MYADML2: variants seen among roughly 807,000 people sequenced by gnomAD.
MYADML2 encodes myeloid associated differentiation marker like 2.
Under a neutral mutation model 16.0 loss-of-function variants are expected in MYADML2, and 17 were observed. The observed-to-expected ratio is 1.06, with a 90% CI of 0.73 to 1.60. The LOEUF (loss-of-function observed/expected upper bound fraction) is 1.60, where lower values mean the gene tolerates loss of function less well. MYADML2 is among the 40% of genes most tolerant of loss of function. The pLI, the probability that MYADML2 is intolerant of heterozygous loss-of-function variation, is 0.00. For synonymous variants in MYADML2, 210 were observed against 208.1 expected (o/e 1.01, Z -0.08); for missense variants, 422 against 437.7 (o/e 0.96, Z 0.32).
Position 81,947,224 on chromosome 17 carries a change from G to T in MYADML2, c.-346C>A, listed in dbSNP as rs537624596. On this transcript the variant is annotated 5_prime_UTR_variant, in exon 1 of 3. Transcript: ENST00000409745. ...AAAGGGACAGCTGTACTTGGGACTG[G>T]CATCTGAAGTGGAGGACACTCTTGT... The T allele has an allele frequency of 6.6e-6, 1 of 152,216 alleles. No homozygotes were observed. The highest frequency in any genetic ancestry group is 2.4e-5 in the African/African-American group (1 of 41,454). The allele number at this position is 152,216 out of a possible 1,614,324, so 9.4% of individuals were successfully genotyped here. A position where few individuals can be genotyped will look rare whatever the true frequency, so the allele number is the denominator to read the frequency against.
rs776358736 is a variant in MYADML2, at chr17:81,941,505, G to A, written c.237C>T (p.Cys79=). 3.2e-6 allele frequency: 5 copies of A among 1,548,294 alleles called. No individual in the cohort carries two copies. Among genetic ancestry groups the A allele is most frequent in the Non-Finnish European group, 4.4e-6 (5 of 1,146,254 alleles). ...VACEFTRLHG[C]LRLSWGNFTA... ...TGAAGTTGCCCCAGGAGAGCCGCAG[G>A]CAGCCGTGGAGCCGTGTGAACTCAC... Residue 79 remains cysteine (C), a synonymous_variant, in exon 3 of 3, where the codon TGC becomes TGT. Transcript: ENST00000409745.
intron 1 of MYADML2, among the ~76,000 whole-genome samples, chr17:81,944,234 GTC>G (rs1001604948): frequency 2.0e-5 from 3 of 151,706 alleles, no homozygotes; most frequent in African/African-American, 7.3e-5. Flanking sequence ...GTGAAACCCC[GTC>G]TCTACTAAAA....
In MYADML2 at chr17:81,942,855, T is replaced by A. The variant is rs931165331; in HGVS notation, c.-180-482A>T. Among the ~76,000 whole-genome samples the A allele has an allele frequency of 6.6e-6, 1 of 150,918 alleles. No individual in the cohort carries two copies. Among genetic ancestry groups the A allele is most frequent in the Non-Finnish European group, 1.5e-5 (1 of 67,636 alleles). ...CGTGAGCCACTAGGTCCGGCCCCTC[T>A]TTTTTTTCGAGATAGGGTCTAGCTT... is the stretch of plus-strand genomic sequence containing the variant. On this transcript the variant is annotated intron_variant, in intron 1 of 2. Coordinates refer to ENST00000409745, the MANE Select transcript of MYADML2 (RefSeq NM_001145113.3). The surrounding 1 kb of genome is among the most constrained non-coding windows in gnomAD (Gnocchi z 4.4).
At position 81,941,020 on chromosome 17, in the gene MYADML2, A is replaced by G; in HGVS notation, c.722T>C (p.Leu241Pro). The stretch of plus-strand genomic sequence containing the variant: ...CCAGATCACGGCGGCGCTGAGGTAC[A>G]GGAGCACAGCCAGGAAGGTGTACAC... ...VVVYTFLAVL[L>P]YLSAAVIWPV... Residue 241 changes from leucine to proline, a missense_variant, in exon 3 of 3, where the codon CTG becomes CCG. Leu to Pro is a moderately conservative substitution (Grantham distance 98, BLOSUM62 -3). Transcript: ENST00000409745. 2 of 1,550,472 alleles carry G rather than the reference A, an allele frequency of 1.3e-6. No individual in the cohort carries two copies. Among genetic ancestry groups the G allele is most frequent in the Non-Finnish European group, 1.7e-6 (2 of 1,146,988 alleles).
In MYADML2 at chr17:81,947,044, A is replaced by G. The variant is rs547408766; in HGVS notation, c.-181+15T>C. ...GCAATACTATGTAACAACTGTTTAC[A>G]TAGAATTTACATACCAGGTGTTATA... On this transcript the variant is annotated intron_variant, in intron 1 of 2. Transcript: ENST00000409745. 6.6e-6 allele frequency: 1 copy of G among 152,352 alleles called. No individual in the cohort carries two copies. Among genetic ancestry groups the G allele is most frequent in the South Asian group, 2.1e-4 (1 of 4,826 alleles). 9.4% of individuals were successfully genotyped at this position (152,352 alleles called of 1,614,324 possible).
At chr17:81,944,088 G>T (rs1317101486) in intron 1 of MYADML2, among the ~76,000 whole-genome samples, 1 of 149,852 alleles carries the variant, frequency 6.7e-6, no homozygotes, top group Non-Finnish European at 1.5e-5. Flanking sequence ...CTCCAGCCTG[G>T]GTGACAGAGC....
rs112914144 is a variant in MYADML2 at position 81,942,073 on chromosome 17, G to A, written c.-103+223C>T. 6.4e-4 allele frequency: 165 copies of A among 256,732 alleles called. No individual in the cohort carries two copies. Among genetic ancestry groups the A allele is most frequent in the African/African-American group, 3.5e-3 (160 of 45,194 alleles). 15.9% of individuals were successfully genotyped at this position (256,732 alleles called of 1,614,324 possible). A position where few individuals can be genotyped will look rare whatever the true frequency, so the allele number is the denominator to read the frequency against. On this transcript the variant is annotated intron_variant, in intron 2 of 2. Transcript: ENST00000409745. This position sits in a 1 kb window ranked among gnomAD's most constrained non-coding sequence, Gnocchi z 4.4. ...GGCACCACCCCCACCTCCGCCTCCC[G>A]CGCACCTGCATCTGTCAATCCGGTC...
Position 81,940,606 on chromosome 17 carries a change from G to A in MYADML2, c.*212C>T, listed in dbSNP as rs150052851. On this transcript the variant is annotated 3_prime_UTR_variant, in exon 3 of 3. Coordinates refer to ENST00000409745, the MANE Select transcript of MYADML2 (RefSeq NM_001145113.3). ...TGGCCTAGGTGAGGCTCTCCCCTGC[G>A]TCTGCTCAGGGCCTCTGCCCTACTG... The A allele has an allele frequency of 2.6e-3, 1,466 of 553,946 alleles. 5 individuals carry two copies. The Middle Eastern group carries it at 0.031, about 12-fold the overall frequency. The allele number at this position is 553,946 out of a possible 1,614,324, so 34.3% of individuals were successfully genotyped here. A position where few individuals can be genotyped will look rare whatever the true frequency, so the allele number is the denominator to read the frequency against.
At position 81,940,133 on chromosome 17, in the gene MYADML2, G is replaced by T. The variant is rs1343671539; in HGVS notation, c.*685C>A. ...CCAGCCTGCGGAGACTCCGGAGGAA[G>T]CCTGCTTCCAAACACTGTGGCTACC... On this transcript the variant is annotated 3_prime_UTR_variant, in exon 3 of 3. Coordinates refer to ENST00000409745, the MANE Select transcript of MYADML2 (RefSeq NM_001145113.3). 6.6e-6 allele frequency: 1 copy of T among 152,294 alleles called. No individual in the cohort carries two copies. The highest frequency in any genetic ancestry group is 1.5e-5 in the Non-Finnish European group (1 of 68,086). The allele number at this position is 152,294 out of a possible 1,614,324, so 9.4% of individuals were successfully genotyped here. A position where few individuals can be genotyped will look rare whatever the true frequency, so the allele number is the denominator to read the frequency against.
At position 81,940,355 on chromosome 17, in the gene MYADML2, C is replaced by T. The variant is rs1164831032; in HGVS notation, c.*463G>A. On this transcript the variant is annotated 3_prime_UTR_variant, in exon 3 of 3. Transcript: ENST00000409745. ...CCCAGCTACTCTCCTGGGTTCGTCT[C>T]CTCTGGAAGTCATTCCTCTTTCAGC... 6.3e-6 allele frequency: 1 copy of T among 158,798 alleles called. No homozygotes were observed. The highest frequency in any genetic ancestry group is 1.4e-5 in the Non-Finnish European group (1 of 71,686). 9.8% of individuals were successfully genotyped at this position (158,798 alleles called of 1,614,324 possible). A position where few individuals can be genotyped will look rare whatever the true frequency, so the allele number is the denominator to read the frequency against.
chr17:81,947,011 T>C (rs888651377), intron 1 of MYADML2, 48 bp downstream of exon 1: 1 of 152,116 alleles, frequency 6.6e-6, no homozygotes, highest in African/African-American at 2.4e-5. Flanking sequence ...ATAATACAAA[T>C]TTAAAAAGCA....
At position 81,940,902 on chromosome 17, in the gene MYADML2, C is replaced by T. The variant is rs1400503238; in HGVS notation, c.840G>A (p.Val280=). The change falls in exon 3 of 3, where the codon GTG becomes GTA. Residue 280 remains valine (V), a synonymous_variant. Transcript: ENST00000409745. The stretch of plus-strand genomic sequence containing the variant: ...GCAGGTTGACGTAGGTGAAGATGGC[C>T]ACCACCAGCTGGCTGTCCCAGGGAC... ...GSCPWDSQLV[V]AIFTYVNLLL... is the part of the protein sequence containing the mutation. 6.5e-7 allele frequency: 1 copy of T among 1,547,606 alleles called. No homozygotes were observed. The highest frequency in any genetic ancestry group is 1.4e-5 in the African/African-American group (1 of 72,998).
rs747728899 is a variant in MYADML2 at position 81,941,287 on chromosome 17, C to G, written c.455G>C (p.Arg152Pro). The change falls in exon 3 of 3, where the codon CGG becomes CCG. Residue 152 changes from arginine to proline, a missense_variant. Arg to Pro is a moderately radical substitution (Grantham distance 103). Coordinates refer to ENST00000409745, the MANE Select transcript of MYADML2 (RefSeq NM_001145113.3). ...YAVEVALTRA[R>P]PGQVSSYMAT... ...CATATAGCTGCTCACCTGGCCGGGC[C>G]GGGCCCGCGTCAGGGCCACCTCCAC... 6 of 1,550,022 alleles carry G rather than the reference C, an allele frequency of 3.9e-6. No individual in the cohort carries two copies. The highest frequency in any genetic ancestry group is 5.2e-6 in the Non-Finnish European group (6 of 1,146,878).
chr17:81,941,215 C>G lies in MYADML2; in HGVS notation c.527G>C (p.Cys176Ser), dbSNP rs1303862532. 14 of 1,550,182 alleles carry G rather than the reference C, an allele frequency of 9.0e-6. No homozygotes were observed. Among genetic ancestry groups the G allele is most frequent in the African/African-American group, 2.7e-5 (2 of 73,168 alleles). Residue 176 changes from cysteine (C) to serine (S), a missense_variant, in exon 3 of 3, where the codon TGC becomes TCC. Physicochemically the swap from Cys to Ser is moderately radical, Grantham distance 112. Transcript: ENST00000409745. ...ATGGACCAGCGCCCCGAAGATGATG[C>G]AGGCCACGAAGGCCTGGACGATCTT... ...LLKIVQAFVA[C>S]IIFGALVHDS...
rs575341424 is a variant in MYADML2 at position 81,940,639 on chromosome 17, C to T, written c.*179G>A. 2.2e-5 allele frequency: 15 copies of T among 683,886 alleles called. No homozygotes were observed. The highest frequency in any genetic ancestry group is 8.3e-4 in the Middle Eastern group (2 of 2,424). 42.4% of individuals were successfully genotyped at this position (683,886 alleles called of 1,614,324 possible). On this transcript the variant is annotated 3_prime_UTR_variant, in exon 3 of 3. Transcript: ENST00000409745. ...AGGGCCTCTGCCCTACTGTCCTGCC[C>T]TTGTCCCTCTGAGCCCAGTCTGGAA...
intron 1 of MYADML2, among the ~76,000 whole-genome samples, chr17:81,946,389 C>T (rs546035883): frequency 2.1e-4 from 32 of 151,532 alleles, no homozygotes; most frequent in Non-Finnish European, 3.8e-4. Flanking sequence ...TGGCTCATGC[C>T]TGTAATCCCA....
intron 1 of MYADML2, among the ~76,000 whole-genome samples, chr17:81,944,399 A>G (rs1181360252): frequency 3.3e-5 from 5 of 152,160 alleles, no homozygotes; most frequent in African/African-American, 9.6e-5. Context: ...TCAAAAAAAA[A>G]AAAGAAAGAA....
At position 81,942,296 on chromosome 17, in the gene MYADML2, C is replaced by G. The variant is rs906451599; in HGVS notation, c.-103G>C. 1 of 152,736 alleles carries G rather than the reference C, an allele frequency of 6.5e-6. No individual in the cohort carries two copies. The highest frequency in any genetic ancestry group is 2.4e-5 in the African/African-American group (1 of 41,438). 9.5% of individuals were successfully genotyped at this position (152,736 alleles called of 1,614,324 possible). ...ATGGTTTCCCCAACATTTATCTCACCCCTTCTGGATGGCCGCGTGGTTCAG... is the reference window on the plus strand; with the variant it reads ...ATGGTTTCCCCAACATTTATCTCACGCCTTCTGGATGGCCGCGTGGTTCAG... On this transcript the variant is annotated splice_region_variant and 5_prime_UTR_variant, in exon 2 of 3. Coordinates refer to ENST00000409745, the MANE Select transcript of MYADML2 (RefSeq NM_001145113.3). The surrounding 1 kb of genome is among the most constrained non-coding windows in gnomAD (Gnocchi z 4.4).
At position 81,941,519 on chromosome 17, in the gene MYADML2, G is replaced by A. The variant is rs757869595; in HGVS notation, c.223C>T (p.Arg75Trp). ...SALVVACEFT[R>W]LHGCLRLSWG... ...GAGAGCCGCAGGCAGCCGTGGAGCC[G>A]TGTGAACTCACAGGCCACCACCAGC... The change falls in exon 3 of 3, where the codon CGG becomes TGG. Residue 75 changes from arginine (R) to tryptophan (W), a missense_variant. By Grantham distance (101) the Arg-to-Trp change is moderately radical (BLOSUM62 -3). Coordinates refer to ENST00000409745, the MANE Select transcript of MYADML2 (RefSeq NM_001145113.3). 55 of 1,547,940 alleles carry A rather than the reference G, an allele frequency of 3.6e-5. No homozygotes were observed. The highest frequency in any genetic ancestry group is 4.4e-5 in the Non-Finnish European group (50 of 1,146,290).
Sources: gnomAD v4.1 joint callset for allele counts (sites outside exome capture counted in the v4.1 genomes callset) on GRCh38, gnomAD v4.1.1 for gene constraint, Gnocchi (gnomAD v3.1) non-coding constraint, MANE v1.5 for transcripts, NCBI Gene and HGNC (gene_info 2026-07-23, HGNC 2026-07-21) for gene names.